The following CPEB4 variants were observed in gnomAD, a reference collection of about 807,000 sequenced individuals.
CPEB4 encodes the protein cytoplasmic polyadenylation element binding protein 4.
In CPEB4, 12 loss-of-function variants were observed where a neutral mutation model predicts 72.5. The observed-to-expected ratio is 0.17, with a 90% CI of 0.11 to 0.27. CPEB4 has a LOEUF of 0.27. Ranked by LOEUF, CPEB4 falls within the 10% of genes least tolerant of loss-of-function variation. The probability of loss-of-function intolerance (pLI) is 1.00; values close to 1 mark genes in which losing one functional copy is unlikely to be tolerated. For synonymous variants in CPEB4, 302 were observed against 326.3 expected, an observed-to-expected ratio of 0.93 and a Z score of 0.80; for missense variants, 614 against 908.5, an observed-to-expected ratio of 0.68 and a Z score of 4.17.
At chr5:173,954,606 CAAG>C (rs1758319176) in intron 9 of CPEB4, among the ~76,000 whole-genome samples, 3 of 152,150 alleles carry the variant, frequency 2.0e-5, no homozygotes, top group African/African-American at 7.2e-5. Flanking sequence ...CTCCTGACCT[CAAG>C]GGATCCACCT....
Position 173,932,456 on chromosome 5 carries a change from T to C in CPEB4, c.1214T>C (p.Leu405Pro). 1 of 1,612,456 alleles carries C rather than the reference T, an allele frequency of 6.2e-7. No individual in the cohort carries two copies. Among genetic ancestry groups the C allele is most frequent in the Non-Finnish European group, 8.5e-7 (1 of 1,179,110 alleles). ...RAENDTIKGR[L>P]NYSYPGSDSS... Reference sequence around the variant, plus strand: ...GGCCTTCTTTTACCTTCAGGTCGTCTAAACTATTCATATCCAGGATCCGAT... The same window carrying C: ...GGCCTTCTTTTACCTTCAGGTCGTCCAAACTATTCATATCCAGGATCCGAT... The change falls in exon 3 of 10, where the codon CTA becomes CCA. Residue 405 changes from leucine to proline, a missense_variant. By Grantham distance (98) the Leu-to-Pro change is moderately conservative. This residue lies in a region of CPEB4 where 458 missense variants were observed against 548.6 expected (regional missense o/e 0.83). Coordinates refer to ENST00000265085, the MANE Select transcript of CPEB4 (RefSeq NM_030627.4).
chr5:173,918,727 C>A (rs1294544483), intron 2 of CPEB4, among the ~76,000 whole-genome samples: 1 of 152,220 alleles, frequency 6.6e-6, no homozygotes, highest in African/African-American at 2.4e-5. Flanking sequence ...CCTCTACCTG[C>A]CACACATTCG....
chr5:173,903,891 T>G (rs1756329352), intron 1 of CPEB4, among the ~76,000 whole-genome samples: 1 of 152,222 alleles, frequency 6.6e-6, no homozygotes, highest in African/African-American at 2.4e-5. Context: ...GTCAGAAGCT[T>G]ATTTTTATCA....
chr5:173,950,801 A>G lies in CPEB4; in HGVS notation c.1665+723A>G, dbSNP rs955300114. Among the ~76,000 whole-genome samples the G allele has an allele frequency of 6.6e-6, 1 of 152,196 alleles. No individual in the cohort carries two copies. Among genetic ancestry groups the G allele is most frequent in the African/African-American group, 2.4e-5 (1 of 41,452 alleles). ...TAACTTTATATATGGTACTCTCCAAAGTAGACTGAATCGTGTATATACATG... is the reference window on the plus strand; with the variant it reads ...TAACTTTATATATGGTACTCTCCAAGGTAGACTGAATCGTGTATATACATG... On this transcript the variant is annotated intron_variant, in intron 7 of 9. Transcript: ENST00000265085. This position sits in a 1 kb window ranked among gnomAD's most constrained non-coding sequence, Gnocchi z 5.0.
chr5:173,939,029 T>TA (rs1215090984), intron 3 of CPEB4, among the ~76,000 whole-genome samples: 1 of 152,196 alleles, frequency 6.6e-6, no homozygotes, highest in African/African-American at 2.4e-5. Flanking sequence ...GGCTCATGCT[T>TA]ACAATCCTAG....
At chr5:173,896,044 T>C (rs1755997508) in intron 1 of CPEB4, among the ~76,000 whole-genome samples, 1 of 152,240 alleles carries the variant, frequency 6.6e-6, no homozygotes, top group Admixed American at 6.5e-5. Context: ...ATGGGGAACC[T>C]AGTTTTTAAA....
Position 173,890,791 on chromosome 5 carries a change from C to G in CPEB4, c.1058C>G (p.Ser353Cys), listed in dbSNP as rs1238711548. ...IQLQKYARPS[S>C]AFAPKSWMED... ...CTCCAGAAGTATGCTCGCCCCAGCT[C>G]TGCCTTTGCACCTAAATCCTGGATG... The change falls in exon 1 of 10, where the codon TCT (serine) becomes TGT (cysteine). Residue 353 changes from serine to cysteine, a missense_variant. Physicochemically the swap from Ser to Cys is moderately radical, Grantham distance 112 (BLOSUM62 -1). Transcript: ENST00000265085. 2 of 1,614,236 alleles carry G rather than the reference C, an allele frequency of 1.2e-6. No homozygotes were observed. The highest frequency in any genetic ancestry group is 1.7e-5 in the Admixed American group (1 of 60,032).
At chr5:173,902,201 C>A (rs1043931401) in intron 1 of CPEB4, among the ~76,000 whole-genome samples, 1 of 152,154 alleles carries the variant, frequency 6.6e-6, no homozygotes, top group Admixed American at 6.5e-5. Flanking sequence ...GACACACTGG[C>A]GTACACTTTC....
intron 3 of CPEB4, among the ~76,000 whole-genome samples, chr5:173,935,606 A>G (rs1757592829): frequency 6.6e-6 from 1 of 152,126 alleles, no homozygotes; most frequent in African/African-American, 2.4e-5. Context: ...GCAGCTGTTT[A>G]TTCTCTTTCT....
At chr5:173,899,377 A>C (rs1467377543) in intron 1 of CPEB4, among the ~76,000 whole-genome samples, 1 of 152,168 alleles carries the variant, frequency 6.6e-6, no homozygotes, top group African/African-American at 2.4e-5. Context: ...GAAAACATTA[A>C]AATTTTTTTC....
chr5:173,921,769 TATTCA>T (rs1409991965), intron 2 of CPEB4, among the ~76,000 whole-genome samples: 1 of 152,242 alleles, frequency 6.6e-6, no homozygotes, highest in African/African-American at 2.4e-5. Flanking sequence ...TATTTGAACA[TATTCA>T]ATGTGCCAGG....
chr5:173,909,543 T>C (rs1261994532), intron 1 of CPEB4, among the ~76,000 whole-genome samples: 4 of 146,968 alleles, frequency 2.7e-5, no homozygotes, highest in Non-Finnish European at 6.0e-5. Context: ...TTTTTTTTTT[T>C]ACATGATTTT....
chr5:173,910,564 A>C lies in CPEB4; in HGVS notation c.1167A>C (p.Ser389=). ...TCGACATGCACTCACTGGAGAGTTC[A>C]CTCATTGACATAATGAGAGCTGAAA... ...RTFDMHSLES[S]LIDIMRAEND... The change falls in exon 2 of 10, where the codon TCA becomes TCC. Residue 389 remains serine, a synonymous_variant. Transcript: ENST00000265085. The C allele has an allele frequency of 6.2e-7, 1 of 1,613,208 alleles. No individual in the cohort carries two copies. Among genetic ancestry groups the C allele is most frequent in the Non-Finnish European group, 8.5e-7 (1 of 1,179,220 alleles).
At position 173,900,893 on chromosome 5, in the gene CPEB4, G is replaced by A. The variant is rs144341309; in HGVS notation, c.1126-9630G>A. On this transcript the variant is annotated intron_variant, in intron 1 of 9. Coordinates refer to ENST00000265085, the MANE Select transcript of CPEB4 (RefSeq NM_030627.4). The surrounding 1 kb of genome is among the most constrained non-coding windows in gnomAD (Gnocchi z 4.4). Reference sequence around the variant, plus strand: ...TTATAAGGGAGGTGCTATTATCCTCGTTTTGCTGATGAAATTAAGGTTCAA... The same window carrying A: ...TTATAAGGGAGGTGCTATTATCCTCATTTTGCTGATGAAATTAAGGTTCAA... Among the ~76,000 whole-genome samples the A allele has an allele frequency of 6.6e-5, 10 of 152,162 alleles. No individual in the cohort carries two copies. Among genetic ancestry groups the A allele is most frequent in the African/African-American group, 2.4e-4 (10 of 41,512 alleles).
At chr5:173,898,956 G>A (rs913395039) in intron 1 of CPEB4, among the ~76,000 whole-genome samples, 3 of 152,132 alleles carry the variant, frequency 2.0e-5, no homozygotes, top group African/African-American at 7.2e-5. Context: ...GTGAGCCACC[G>A]CACCTGGCCT....
At chr5:173,891,135 C>T (rs1027788831) in intron 1 of CPEB4, among the ~76,000 whole-genome samples, 2 of 150,580 alleles carry the variant, frequency 1.3e-5, no homozygotes, top group Non-Finnish European at 3.0e-5. Context: ...TAATACCTTT[C>T]TTGCCTGACA....
rs570422990 is a variant in CPEB4, at chr5:173,956,349, C to T, written c.*212C>T. On this transcript the variant is annotated 3_prime_UTR_variant, in exon 10 of 10. Coordinates refer to ENST00000265085, the MANE Select transcript of CPEB4 (RefSeq NM_030627.4). Reference sequence around the variant, plus strand: ...ATGAACTCCTTTTTCGTATTGCCATCGGGTTGCATGGAAGTTTTATTCTCT... The same window carrying T: ...ATGAACTCCTTTTTCGTATTGCCATTGGGTTGCATGGAAGTTTTATTCTCT... The T allele has an allele frequency of 1.4e-4, 64 of 458,274 alleles. No individual in the cohort carries two copies. Among genetic ancestry groups the T allele is most frequent in the African/African-American group, 8.7e-4 (44 of 50,628 alleles). The allele number at this position is 458,274 out of a possible 1,614,324, so 28.4% of individuals were successfully genotyped here. A position where few individuals can be genotyped will look rare whatever the true frequency, so the allele number is the denominator to read the frequency against.
At chr5:173,919,529 A>G (rs1197718127) in intron 2 of CPEB4, among the ~76,000 whole-genome samples, 1 of 152,182 alleles carries the variant, frequency 6.6e-6, no homozygotes, top group Non-Finnish European at 1.5e-5. Context: ...TTCTATAATA[A>G]AATTCTATAG....
chr5:173,951,961 C>G (rs1462171185), intron 8 of CPEB4, 23 bp downstream of exon 8: 1 of 1,423,924 alleles, frequency 7.0e-7, no homozygotes, highest in Non-Finnish European at 9.9e-7. Flanking sequence ...AAACGACAAA[C>G]TCTCTACCCT....
Sources: allele counts gnomAD v4.1 joint callset (sites outside exome capture counted in the v4.1 genomes callset), GRCh38; gene constraint gnomAD v4.1.1; regional missense constraint gnomAD v4.1.1; non-coding constraint Gnocchi (gnomAD v3.1); transcripts MANE v1.5; gene names NCBI Gene and HGNC (gene_info 2026-07-23, HGNC 2026-07-21).